ITGB6: variants seen among roughly 807,000 people sequenced by gnomAD.
ITGB6 encodes integrin subunit beta 6, also known as integrin beta-6.
A neutral mutation model predicts 84.5 loss-of-function variants in ITGB6; 80 were observed. The observed-to-expected ratio is 0.95, with a 90% CI of 0.79 to 1.14. The LOEUF (loss-of-function observed/expected upper bound fraction) is 1.14. ITGB6 is among the 50% of genes most tolerant of loss of function. The probability of loss-of-function intolerance (pLI) is 0.00; values close to 1 mark genes in which losing one functional copy is unlikely to be tolerated. For missense variants in ITGB6, 1,006 were observed against 968.0 expected (o/e 1.04, Z -0.52); for synonymous variants, 383 against 354.9 (o/e 1.08, Z -0.89).
At chr2:160,162,422 A>G (rs895887068) in intron 7 of ITGB6, among the ~76,000 whole-genome samples, 12 of 152,082 alleles carry the variant, frequency 7.9e-5, no homozygotes, top group African/African-American at 2.9e-4. Flanking sequence ...ACAAAAAACA[A>G]ATGTGAGAAT....
intron 11 of ITGB6, 101 bp from the exon 12 acceptor site, chr2:160,123,989 A>T: frequency 1.3e-6 from 1 of 742,018 alleles, no homozygotes; most frequent in Non-Finnish European, 2.3e-6. Context: ...GTGCTATAGG[A>T]GTATGTCATA....
chr2:160,108,214 A>AGTGTGTGT (rs57363305), intron 13 of ITGB6, among the ~76,000 whole-genome samples: 17,404 of 142,576 alleles, frequency 0.12, 1,289 homozygotes, highest in Admixed American at 0.24. Flanking sequence ...GCAGAAATGG[A>AGTGTGTGT]GTGTGTGTGT....
chr2:160,186,808 C>G (rs966470996), intron 4 of ITGB6, among the ~76,000 whole-genome samples: 7 of 152,122 alleles, frequency 4.6e-5, no homozygotes, highest in African/African-American at 1.7e-4. Context: ...AGTTCATGCC[C>G]TTTGCAAGGA....
intron 7 of ITGB6, among the ~76,000 whole-genome samples, chr2:160,152,626 G>A (rs888938565): frequency 2.6e-5 from 4 of 152,078 alleles, no homozygotes; most frequent in African/African-American, 9.7e-5. Context: ...AGAAATAAAG[G>A]GTATTCAGTT....
intron 7 of ITGB6, among the ~76,000 whole-genome samples, chr2:160,154,193 T>A (rs548814004): frequency 6.6e-6 from 1 of 152,254 alleles, no homozygotes; most frequent in African/African-American, 2.4e-5. Context: ...CAAATGTCCA[T>A]CAATGATAGA....
At chr2:160,154,394 G>A (rs1411131339) in intron 7 of ITGB6, among the ~76,000 whole-genome samples, 2 of 151,310 alleles carry the variant, frequency 1.3e-5, no homozygotes, top group Non-Finnish European at 2.9e-5. Flanking sequence ...GAGAACTCTT[G>A]GACCCAGGAA....
intron 2 of ITGB6, 94 bp from the exon 3 acceptor site, chr2:160,196,514 T>G (rs1686346220): frequency 4.7e-6 from 5 of 1,062,636 alleles, no homozygotes; most frequent in Non-Finnish European, 6.9e-6. Flanking sequence ...TCTGCACAAT[T>G]TGCTAGTTAA....
At chr2:160,153,988 G>T (rs930037419) in intron 7 of ITGB6, among the ~76,000 whole-genome samples, 1 of 152,206 alleles carries the variant, frequency 6.6e-6, no homozygotes, top group African/African-American at 2.4e-5. Flanking sequence ...GTTGGTGGGA[G>T]TGTAAATTAG....
chr2:160,160,423 C>G (rs1158142524), intron 7 of ITGB6, among the ~76,000 whole-genome samples: 3 of 152,164 alleles, frequency 2.0e-5, no homozygotes, highest in Non-Finnish European at 4.4e-5. Flanking sequence ...GTGTGCCAAC[C>G]CTTGAATTTA....
intron 7 of ITGB6, among the ~76,000 whole-genome samples, chr2:160,150,553 C>A (rs143964155): frequency 3.3e-5 from 5 of 152,110 alleles, no homozygotes; most frequent in Non-Finnish European, 5.9e-5. Context: ...CATCAATTAA[C>A]GGACAAAATA....
intron 7 of ITGB6, among the ~76,000 whole-genome samples, chr2:160,142,807 C>T (rs1026558873): frequency 3.9e-5 from 6 of 152,268 alleles, no homozygotes; most frequent in Admixed American, 1.3e-4. Context: ...GAATGAGGCA[C>T]GGCAAAGAAG....
At chr2:160,133,926 C>T (rs1489274555) in intron 10 of ITGB6, among the ~76,000 whole-genome samples, 1 of 151,878 alleles carries the variant, frequency 6.6e-6, no homozygotes, top group African/African-American at 2.4e-5. Flanking sequence ...GGAAATTTAT[C>T]ACACTAAATG....
At chr2:160,165,653 C>T (rs927513022) in intron 7 of ITGB6, among the ~76,000 whole-genome samples, 32 of 152,162 alleles carry the variant, frequency 2.1e-4, no homozygotes, top group Non-Finnish European at 4.0e-4. Flanking sequence ...CACACAAGGA[C>T]ATCAGGCTTA....
intron 7 of ITGB6, among the ~76,000 whole-genome samples, chr2:160,157,748 CA>C (rs11364475): frequency 0.14 from 11,846 of 83,902 alleles, 350 homozygotes; most frequent in African/African-American, 0.21. Context: ...AGCACAGAGG[CA>C]AAAAAAAAAA....
chr2:160,126,457 CACTT>C lies in ITGB6; in HGVS notation c.1801_1804del (p.Lys601ValfsTer50), dbSNP rs1422933754. On this transcript the variant is annotated frameshift_variant, in exon 11 of 15. Transcript: ENST00000283249. LOFTEE classifies it high-confidence loss of function. ...TGAGGCTCCAGGGTTTGTGCAAACA[CACTT>C]GCCACAAACACAGTCCCCGCGCCCG... is the stretch of plus-strand genomic sequence containing the variant. The C allele has an allele frequency of 1.2e-6, 2 of 1,614,192 alleles. No homozygotes were observed. Among genetic ancestry groups the C allele is most frequent in the Admixed American group, 3.3e-5 (2 of 60,026 alleles).
intron 7 of ITGB6, among the ~76,000 whole-genome samples, chr2:160,151,650 A>G (rs557788230): frequency 4.2e-4 from 64 of 152,344 alleles, no homozygotes; most frequent in African/African-American, 1.5e-3. Context: ...AAGTCGATGA[A>G]TCTAGGAGCT....
At chr2:160,179,410 A>G (rs1685570765) in intron 4 of ITGB6, among the ~76,000 whole-genome samples, 1 of 126,398 alleles carries the variant, frequency 7.9e-6, no homozygotes, top group Admixed American at 9.0e-5. Context: ...TTTTTTTGAG[A>G]TGGACTCTCA....
intron 4 of ITGB6, among the ~76,000 whole-genome samples, chr2:160,187,065 C>T (rs1011571254): frequency 3.0e-4 from 45 of 151,834 alleles, no homozygotes; most frequent in Non-Finnish European, 1.3e-4. Flanking sequence ...TATATACCTA[C>T]GTAACAAACC....
intron 4 of ITGB6, among the ~76,000 whole-genome samples, chr2:160,183,475 C>A (rs1455020075): frequency 6.6e-6 from 1 of 152,156 alleles, no homozygotes; most frequent in Admixed American, 6.5e-5. Flanking sequence ...TACAGCAGAA[C>A]CCAGATTCAT....
Sources: gnomAD v4.1 joint callset for allele counts (sites outside exome capture counted in the v4.1 genomes callset) on GRCh38, gnomAD v4.1.1 for gene constraint, MANE v1.5 for transcripts, NCBI Gene and HGNC (gene_info 2026-07-23, HGNC 2026-07-21) for gene names.